Variants in OPCML observed in about 807,000 individuals in gnomAD.
OPCML encodes the protein opioid binding protein/cell adhesion molecule like, also known as opioid-binding protein/cell adhesion molecule.
A neutral mutation model predicts 37.8 loss-of-function variants in OPCML; 13 were observed. That is an observed-to-expected ratio of 0.34 (90% CI 0.22 to 0.55). The LOEUF is 0.55. Ranked by LOEUF, OPCML falls within the 20% of genes least tolerant of loss-of-function variation. The pLI is 0.91. For missense variants in OPCML, 341 were observed against 435.6 expected, an observed-to-expected ratio of 0.78 and a Z score of 1.93; for synonymous variants, 176 against 168.8, an observed-to-expected ratio of 1.04 and a Z score of -0.33.
At chr11:133,237,589 C>T (rs1940568406) in intron 1 of OPCML, among the ~76,000 whole-genome samples, 1 of 152,144 alleles carries the variant, frequency 6.6e-6, no homozygotes, top group Admixed American at 6.5e-5. Context: ...CTAAAGGCAG[C>T]CAAGAGTTAT....
At chr11:133,240,061 A>G (rs1453826) in intron 1 of OPCML, among the ~76,000 whole-genome samples, 64,485 of 151,492 alleles carry the variant, frequency 0.43, 14,574 homozygotes, top group East Asian at 0.63. Flanking sequence ...TAAATAATTG[A>G]AAATGGCTCC....
intron 1 of OPCML, among the ~76,000 whole-genome samples, chr11:133,095,440 A>C (rs2137060795): frequency 6.6e-6 from 1 of 150,874 alleles, no homozygotes; most frequent in South Asian, 2.1e-4. Flanking sequence ...ATGACATTTA[A>C]TCTTTAGTAT....
chr11:132,823,872 C>T (rs1370238688), intron 2 of OPCML, among the ~76,000 whole-genome samples: 3 of 152,158 alleles, frequency 2.0e-5, no homozygotes, highest in Non-Finnish European at 2.9e-5. Context: ...GATGGCCATG[C>T]CATCTTCCAG....
At chr11:132,538,296 G>A (rs1442276162) in intron 3 of OPCML, among the ~76,000 whole-genome samples, 1 of 152,156 alleles carries the variant, frequency 6.6e-6, no homozygotes, top group Non-Finnish European at 1.5e-5. Flanking sequence ...AGTGAAAGAA[G>A]CGAAACACAA....
intron 1 of OPCML, among the ~76,000 whole-genome samples, chr11:133,351,996 G>T (rs563460682): frequency 6.6e-6 from 1 of 152,084 alleles, no homozygotes; most frequent in African/African-American, 2.4e-5. Context: ...TTTCATTGCT[G>T]CCCCCACAGG....
chr11:132,477,371 T>C (rs1470531486), intron 4 of OPCML, among the ~76,000 whole-genome samples: 1 of 152,198 alleles, frequency 6.6e-6, no homozygotes, highest in African/African-American at 2.4e-5. Flanking sequence ...ACGTCTCCTT[T>C]CATCTCAGAC....
chr11:132,693,823 G>T (rs1338877468), intron 2 of OPCML, among the ~76,000 whole-genome samples: 5 of 152,002 alleles, frequency 3.3e-5, no homozygotes, highest in Non-Finnish European at 7.4e-5. Context: ...CTTTTATTGG[G>T]CTAGAAATAA....
chr11:132,859,541 T>C (rs1942209410), intron 2 of OPCML: 1 of 152,182 alleles, frequency 6.6e-6, no homozygotes, highest in Admixed American at 6.5e-5. Context: ...AAAAGTCTTC[T>C]CAGTCCAAGA....
intron 4 of OPCML, among the ~76,000 whole-genome samples, chr11:132,465,566 A>G (rs191511702): frequency 2.0e-5 from 3 of 151,826 alleles, no homozygotes; most frequent in Admixed American, 2.0e-4. Context: ...TTATTTTCTT[A>G]GAATTCTATG....
intron 2 of OPCML, among the ~76,000 whole-genome samples, chr11:132,670,779 T>C (rs546005845): frequency 2.0e-5 from 3 of 152,192 alleles, no homozygotes; most frequent in Non-Finnish European, 4.4e-5. Flanking sequence ...TAGTGAATAG[T>C]CAATAAATGT....
At chr11:133,161,835 C>T (rs571567860) in intron 1 of OPCML, among the ~76,000 whole-genome samples, 1 of 152,120 alleles carries the variant, frequency 6.6e-6, no homozygotes, top group South Asian at 2.1e-4. Context: ...AATATTTTGA[C>T]ACAGAAGAAA....
chr11:132,469,925 T>G, intron 4 of OPCML, among the ~76,000 whole-genome samples: 1 of 137,840 alleles, frequency 7.3e-6, no homozygotes, highest in Non-Finnish European at 1.6e-5. Flanking sequence ...TGTGTATGTG[T>G]GTGGGGGGAG....
At chr11:132,469,414 CGTGT>C (rs1249613725) in intron 4 of OPCML, among the ~76,000 whole-genome samples, 2 of 143,500 alleles carry the variant, frequency 1.4e-5, no homozygotes, top group East Asian at 4.3e-4. Flanking sequence ...TGTGGGGGTG[CGTGT>C]GTATGTGTGT....
intron 2 of OPCML, among the ~76,000 whole-genome samples, chr11:132,941,729 G>C (rs534067179): frequency 2.0e-5 from 3 of 152,200 alleles, no homozygotes; most frequent in African/African-American, 7.2e-5. Context: ...CAGGATTCTG[G>C]GACCTGTTCT....
chr11:133,250,263 G>A (rs1941082514), intron 1 of OPCML, among the ~76,000 whole-genome samples: 3 of 152,280 alleles, frequency 2.0e-5, no homozygotes, highest in Admixed American at 2.0e-4. Context: ...AATGTTACTT[G>A]AGGAATTTTA....
rs140233167 is a variant in OPCML at position 132,692,101 on chromosome 11, C to T, written c.147-34782G>A. Among the ~76,000 whole-genome samples, 507 of 152,180 alleles carry T rather than the reference C, an allele frequency of 3.3e-3. 4 individuals carry two copies. The highest frequency in any genetic ancestry group is 0.012 in the African/African-American group (490 of 41,484). On this transcript the variant is annotated intron_variant, in intron 2 of 7. Coordinates refer to ENST00000524381, the MANE Select transcript of OPCML (RefSeq NM_001012393.5). Reference sequence around the variant, plus strand: ...CGACTGATTTCTAGTGTTCTTCAATCAAAAGCAGCAGAAGAAAAGCATCAT... The same window carrying T: ...CGACTGATTTCTAGTGTTCTTCAATTAAAAGCAGCAGAAGAAAAGCATCAT...
intron 2 of OPCML, among the ~76,000 whole-genome samples, chr11:132,929,859 A>T (rs1430722346): frequency 6.6e-6 from 1 of 152,184 alleles, no homozygotes; most frequent in African/African-American, 2.4e-5. Flanking sequence ...AACACCCTTT[A>T]ATAATAAAAA....
intron 3 of OPCML, among the ~76,000 whole-genome samples, chr11:132,609,504 C>T (rs1938509319): frequency 1.3e-5 from 2 of 152,098 alleles, no homozygotes; most frequent in African/African-American, 2.4e-5. Context: ...AAGCAACCCA[C>T]ATTTACCCAC....
intron 1 of OPCML, among the ~76,000 whole-genome samples, chr11:133,119,755 C>G (rs1339881969): frequency 6.6e-6 from 1 of 152,166 alleles, no homozygotes; most frequent in Non-Finnish European, 1.5e-5. Flanking sequence ...GTTCACCAGT[C>G]AGAGAAGACA....
Sources: gnomAD v4.1 joint callset for allele counts (sites outside exome capture counted in the v4.1 genomes callset) on GRCh38, gnomAD v4.1.1 for gene constraint, MANE v1.5 for transcripts, NCBI Gene and HGNC (gene_info 2026-07-23, HGNC 2026-07-21) for gene names.